ATP8B4: variants seen among roughly 807,000 people sequenced by gnomAD.
The protein encoded by ATP8B4 is probable phospholipid-transporting ATPase IM.
Under a neutral mutation model 145.6 loss-of-function variants are expected in ATP8B4, and 133 were observed. The ratio of observed to expected loss-of-function variants is 0.91; its 90% CI spans 0.79 to 1.05. The LOEUF (loss-of-function observed/expected upper bound fraction) is 1.05. Ranked by LOEUF, ATP8B4 falls within the 50% of genes least tolerant of loss-of-function variation. The pLI is 0.00. For missense variants in ATP8B4, 1,458 were observed against 1,425.2 expected, an observed-to-expected ratio of 1.02 and a Z score of -0.37; for synonymous variants, 507 against 492.9, an observed-to-expected ratio of 1.03 and a Z score of -0.38.
chr15:49,998,141 T>G (rs1487923538), intron 8 of ATP8B4, among the ~76,000 whole-genome samples: 1 of 152,298 alleles, frequency 6.6e-6, no homozygotes. Flanking sequence ...TTCCTCAGGA[T>G]CCTCTCCACT....
chr15:50,086,981 T>G (rs1446554016), intron 2 of ATP8B4, among the ~76,000 whole-genome samples: 2 of 92,578 alleles, frequency 2.2e-5, no homozygotes, highest in Non-Finnish European at 3.8e-5. Context: ...AGATCTATAT[T>G]TATTATATAT....
intron 1 of ATP8B4, among the ~76,000 whole-genome samples, chr15:50,143,788 A>T (rs1299385502): frequency 6.6e-6 from 1 of 152,208 alleles, no homozygotes; most frequent in Non-Finnish European, 1.5e-5. Context: ...AGCGTGATTA[A>T]AGGTACCATG....
chr15:49,913,054 C>A (rs2039391386), intron 20 of ATP8B4, among the ~76,000 whole-genome samples: 1 of 151,610 alleles, frequency 6.6e-6, no homozygotes, highest in Non-Finnish European at 1.5e-5. Flanking sequence ...TCACTTGAGC[C>A]CCGGAGGTCG....
chr15:50,045,948 T>C, intron 4 of ATP8B4, among the ~76,000 whole-genome samples: 1 of 152,222 alleles, frequency 6.6e-6, no homozygotes, highest in East Asian at 1.9e-4. Context: ...GACTCTAAGC[T>C]TTCTTCAACA....
chr15:50,089,678 T>C (rs974209531), intron 2 of ATP8B4, among the ~76,000 whole-genome samples: 1 of 152,032 alleles, frequency 6.6e-6, no homozygotes, highest in Non-Finnish European at 1.5e-5. Flanking sequence ...TCTTTCTTTT[T>C]TTTGAGACAG....
chr15:49,950,163 T>C (rs1275487560), intron 14 of ATP8B4, among the ~76,000 whole-genome samples: 2 of 152,218 alleles, frequency 1.3e-5, no homozygotes, highest in Non-Finnish European at 2.9e-5. Context: ...ATCAGGATGA[T>C]GCTGGCTTCA....
chr15:50,024,655 C>T (rs1371281259), intron 6 of ATP8B4, among the ~76,000 whole-genome samples: 1 of 152,210 alleles, frequency 6.6e-6, no homozygotes, highest in Non-Finnish European at 1.5e-5. Context: ...ATTTCTGCTT[C>T]TCCACTGGGT....
At chr15:49,898,766 G>A (rs2037700698) in intron 21 of ATP8B4, among the ~76,000 whole-genome samples, 1 of 152,172 alleles carries the variant, frequency 6.6e-6, no homozygotes. Flanking sequence ...ATTGTCCCTT[G>A]AAGAACATAG....
At chr15:50,073,334 T>C (rs1321959625) in intron 3 of ATP8B4, among the ~76,000 whole-genome samples, 2 of 151,848 alleles carry the variant, frequency 1.3e-5, no homozygotes, top group Non-Finnish European at 2.9e-5. Flanking sequence ...CAACATGCAG[T>C]GTTTGGTTTT....
chr15:49,923,391 T>C lies in ATP8B4; in HGVS notation c.1746A>G (p.Ser582=). The C allele has an allele frequency of 1.2e-6, 2 of 1,609,870 alleles. No homozygotes were observed. Among genetic ancestry groups the C allele is most frequent in the Non-Finnish European group, 1.7e-6 (2 of 1,176,240 alleles). Residue 582 remains serine (S), a synonymous_variant, in exon 17 of 28, where the codon TCA becomes TCG. Transcript: ENST00000284509. The part of the protein sequence containing the change: ...PSNEVLLSLT[S]DHLSEFAGEG... ...CGGAGGCACTTACACTGAGGTGGTC[T>C]GACGTCAAAGACAAAAGGACTTCAT...
chr15:49,883,178 A>G (rs920080107), intron 23 of ATP8B4: 1 of 152,092 alleles, frequency 6.6e-6, no homozygotes, highest in Non-Finnish European at 1.5e-5. Flanking sequence ...CAGCTGACAC[A>G]AATCTTCAAC....
At chr15:49,869,477 T>G (rs984468389) in intron 25 of ATP8B4, among the ~76,000 whole-genome samples, 2 of 151,768 alleles carry the variant, frequency 1.3e-5, no homozygotes, top group Non-Finnish European at 2.9e-5. Context: ...AGAAGAAAAC[T>G]AATATAAAAA....
chr15:50,177,367 T>G lies in ATP8B4; in HGVS notation c.-43+4894A>C, dbSNP rs181062679. ...GCTTCAAGTCTCACAATCTTTTCTATTACTTCATTCCAGGAAATTGAATTC... is the reference window on the plus strand; with the variant it reads ...GCTTCAAGTCTCACAATCTTTTCTAGTACTTCATTCCAGGAAATTGAATTC... On this transcript the variant is annotated intron_variant, in intron 1 of 3. Transcript: ENST00000558829. Among the ~76,000 whole-genome samples, 634 of 152,338 alleles carry G rather than the reference T, an allele frequency of 4.2e-3. 5 individuals carry two copies. Among genetic ancestry groups the G allele is most frequent in the Non-Finnish European group, 6.5e-3 (443 of 68,030 alleles).
intron 4 of ATP8B4, among the ~76,000 whole-genome samples, chr15:50,046,393 GAAAACAAAAACA>G (rs2051722337): frequency 6.6e-6 from 1 of 151,860 alleles, no homozygotes; most frequent in African/African-American, 2.4e-5. Flanking sequence ...GCCAATGTGT[GAAAACAAAAACA>G]AAAACAAAAC....
At chr15:50,003,274 A>G (rs28361920) in intron 7 of ATP8B4, among the ~76,000 whole-genome samples, 262 of 141,198 alleles carry the variant, frequency 1.9e-3, no homozygotes, top group South Asian at 6.0e-3. Context: ...TAGGGTGTGC[A>G]TGTGTGTGTG....
intron 6 of ATP8B4, among the ~76,000 whole-genome samples, chr15:50,036,515 G>T (rs780745256): frequency 2.0e-5 from 3 of 152,158 alleles, no homozygotes; most frequent in Non-Finnish European, 2.9e-5. Context: ...CTCCATAACC[G>T]ATTTCCCCAA....
intron 1 of ATP8B4, among the ~76,000 whole-genome samples, chr15:50,124,721 GCAGA>G (rs1342343792): frequency 6.6e-6 from 1 of 152,148 alleles, no homozygotes; most frequent in Non-Finnish European, 1.5e-5. Context: ...CCCTTTCAGT[GCAGA>G]CACTCAGACA....
chr15:49,954,544 G>T (rs931283238), intron 14 of ATP8B4, among the ~76,000 whole-genome samples: 2 of 152,090 alleles, frequency 1.3e-5, no homozygotes, highest in South Asian at 4.1e-4. Flanking sequence ...CTTCTCAAAA[G>T]AAGACATACA....
At chr15:49,877,982 A>C (rs1286781667) in intron 24 of ATP8B4, among the ~76,000 whole-genome samples, 1 of 152,200 alleles carries the variant, frequency 6.6e-6, no homozygotes, top group African/African-American at 2.4e-5. Flanking sequence ...GCCTTAAAAA[A>C]TGAGCAGATC....
Sources: gnomAD v4.1 joint callset for allele counts (sites outside exome capture counted in the v4.1 genomes callset) on GRCh38, gnomAD v4.1.1 for gene constraint, MANE v1.5 for transcripts, NCBI Gene and HGNC (gene_info 2026-07-23, HGNC 2026-07-21) for gene names.